CPQ: variants seen among roughly 807,000 people sequenced by gnomAD.
CPQ encodes carboxypeptidase Q.
A neutral mutation model predicts 45.7 loss-of-function variants in CPQ; 37 were observed. The observed-to-expected ratio is 0.81, with a 90% CI of 0.62 to 1.07. The LOEUF (loss-of-function observed/expected upper bound fraction) is 1.07, where lower values mean the gene tolerates loss of function less well. Ranked by LOEUF, CPQ falls within the 50% of genes least tolerant of loss-of-function variation. The pLI is 0.00. For missense variants in CPQ, 537 were observed against 572.9 expected, an observed-to-expected ratio of 0.94 and a Z score of 0.64; for synonymous variants, 186 against 205.8, an observed-to-expected ratio of 0.90 and a Z score of 0.82.
intron 1 of CPQ, among the ~76,000 whole-genome samples, chr8:96,685,641 T>C (rs368222435): frequency 8.5e-5 from 13 of 152,132 alleles, no homozygotes; most frequent in African/African-American, 3.1e-4. Flanking sequence ...TACAACAGGT[T>C]TTTATATCTT....
At chr8:96,775,384 G>A (rs1216122166) in intron 1 of CPQ, among the ~76,000 whole-genome samples, 2 of 152,098 alleles carry the variant, frequency 1.3e-5, no homozygotes, top group Non-Finnish European at 2.9e-5. Flanking sequence ...TTCAAAATGT[G>A]AATTCTAAGG....
intron 1 of CPQ, among the ~76,000 whole-genome samples, chr8:96,773,512 C>A (rs1309889801): frequency 6.6e-6 from 1 of 152,040 alleles, no homozygotes; most frequent in Non-Finnish European, 1.5e-5. Flanking sequence ...ACAGTATGAA[C>A]AAAATCAGAC....
rs1290737296 is a variant in CPQ, at chr8:97,143,326, T to C, written c.*143T>C. On this transcript the variant is annotated 3_prime_UTR_variant, in exon 8 of 8. Coordinates refer to ENST00000220763, the MANE Select transcript of CPQ (RefSeq NM_016134.4). Reference sequence around the variant, plus strand: ...TTCATGCTTTCTGTTATTATCTTTCTTGATACTTTCCAAATTCTCTGATTC... The same window carrying C: ...TTCATGCTTTCTGTTATTATCTTTCCTGATACTTTCCAAATTCTCTGATTC... 7.8e-6 allele frequency: 6 copies of C among 769,792 alleles called. No individual in the cohort carries two copies. The highest frequency in any genetic ancestry group is 5.3e-5 in the African/African-American group (3 of 56,736). The allele number at this position is 769,792 out of a possible 1,614,324, so 47.7% of individuals were successfully genotyped here.
chr8:97,110,491 G>T (rs1811482055), intron 7 of CPQ, among the ~76,000 whole-genome samples: 1 of 152,118 alleles, frequency 6.6e-6, no homozygotes, highest in African/African-American at 2.4e-5. Flanking sequence ...GAGTGGGATT[G>T]CCAGGTCACA....
intron 1 of CPQ, among the ~76,000 whole-genome samples, chr8:96,687,149 T>TTTTTCTTTTCTTTTC (rs539313283): frequency 6.6e-6 from 1 of 151,498 alleles, no homozygotes; most frequent in South Asian, 2.1e-4. Context: ...TCACATTCCA[T>TTTTTCTTTTCTTTTC]TTTTCTTTTC....
chr8:96,878,450 A>C (rs925354994), intron 3 of CPQ, among the ~76,000 whole-genome samples: 2 of 152,186 alleles, frequency 1.3e-5, no homozygotes, highest in African/African-American at 4.8e-5. Context: ...ATTTCTGCAA[A>C]ATAACTCTAT....
intron 5 of CPQ, among the ~76,000 whole-genome samples, chr8:97,005,389 T>C (rs1809364383): frequency 6.6e-6 from 1 of 151,790 alleles, no homozygotes. Context: ...CTATGATCAT[T>C]TTATATGGAC....
intron 3 of CPQ, among the ~76,000 whole-genome samples, chr8:96,870,124 C>T (rs931927282): frequency 1.3e-5 from 2 of 151,786 alleles, no homozygotes; most frequent in Admixed American, 6.6e-5. Flanking sequence ...ATTTATAAAC[C>T]ACATGTTGTC....
chr8:96,680,161 T>C (rs1247217192), intron 1 of CPQ, among the ~76,000 whole-genome samples: 1 of 152,210 alleles, frequency 6.6e-6, no homozygotes, highest in African/African-American at 2.4e-5. Flanking sequence ...TCCTTCTTTA[T>C]TTCCTCATTG....
intron 5 of CPQ, among the ~76,000 whole-genome samples, chr8:96,985,269 GT>G (rs35640819): frequency 0.41 from 60,815 of 147,214 alleles, 12,844 homozygotes; most frequent in African/African-American, 0.56. Flanking sequence ...GAGCTCTTAT[GT>G]TTTTTTTTTT....
At chr8:96,695,160 G>A (rs1329432074) in intron 1 of CPQ, among the ~76,000 whole-genome samples, 1 of 149,698 alleles carries the variant, frequency 6.7e-6, no homozygotes, top group African/African-American at 2.5e-5. Flanking sequence ...TCTGATCTTT[G>A]ACAAACCTGA....
intron 1 of CPQ, among the ~76,000 whole-genome samples, chr8:96,722,858 G>A (rs1268462889): frequency 6.6e-6 from 1 of 152,134 alleles, no homozygotes; most frequent in Non-Finnish European, 1.5e-5. Flanking sequence ...GGAAGCTAGA[G>A]GGCCTGCAAT....
chr8:96,959,703 G>A (rs1013169485), intron 4 of CPQ, among the ~76,000 whole-genome samples: 4 of 151,040 alleles, frequency 2.6e-5, no homozygotes, highest in African/African-American at 7.3e-5. Context: ...TCCTTTTTTG[G>A]TACATCATAT....
intron 3 of CPQ, among the ~76,000 whole-genome samples, chr8:96,861,838 G>A (rs1256016503): frequency 6.6e-6 from 1 of 152,072 alleles, no homozygotes; most frequent in Admixed American, 6.6e-5. Context: ...ATATAATTAG[G>A]ACTTTAAAGG....
At chr8:96,724,431 T>G (rs991291374) in intron 1 of CPQ, among the ~76,000 whole-genome samples, 7 of 151,800 alleles carry the variant, frequency 4.6e-5, no homozygotes, top group African/African-American at 1.7e-4. Flanking sequence ...TGCAGTAGTA[T>G]TTCTGTGCAT....
intron 5 of CPQ, among the ~76,000 whole-genome samples, chr8:97,005,186 G>C (rs931660148): frequency 1.3e-5 from 2 of 151,636 alleles, no homozygotes; most frequent in Admixed American, 1.3e-4. Flanking sequence ...GGTTCAAGCG[G>C]TTCTTCTGCC....
intron 5 of CPQ, among the ~76,000 whole-genome samples, chr8:97,018,910 A>G (rs1369715127): frequency 6.6e-6 from 1 of 152,204 alleles, no homozygotes; most frequent in Non-Finnish European, 1.5e-5. Context: ...CAAAAAGATC[A>G]CCACCTAGGC....
chr8:97,049,211 T>C (rs77792827), intron 6 of CPQ, among the ~76,000 whole-genome samples: 2,896 of 152,322 alleles, frequency 0.019, 96 homozygotes, highest in African/African-American at 0.066. Flanking sequence ...TTTTTTCTTA[T>C]GACTACTCTG....
intron 4 of CPQ, among the ~76,000 whole-genome samples, chr8:96,933,463 T>C (rs1483441287): frequency 6.6e-6 from 1 of 152,176 alleles, no homozygotes; most frequent in Non-Finnish European, 1.5e-5. Context: ...CATTCAACAA[T>C]TGTTTACTGA....
Sources: allele counts gnomAD v4.1 joint callset (sites outside exome capture counted in the v4.1 genomes callset), GRCh38; gene constraint gnomAD v4.1.1; transcripts MANE v1.5; gene names NCBI Gene and HGNC (gene_info 2026-07-23, HGNC 2026-07-21).